The following CYTH1 variants were observed in gnomAD, a reference collection of about 807,000 sequenced individuals.
The protein encoded by CYTH1 is cytohesin 1.
In CYTH1, 18 loss-of-function variants were observed where a neutral mutation model predicts 61.8. The ratio of observed to expected loss-of-function variants is 0.29; its 90% CI spans 0.20 to 0.43. The LOEUF (loss-of-function observed/expected upper bound fraction) is 0.43, where lower values mean the gene tolerates loss of function less well. Among genes scored for constraint, CYTH1 ranks in the 20% least tolerant of loss-of-function variants. The pLI is 1.00. For missense variants in CYTH1, 336 were observed against 510.5 expected, an observed-to-expected ratio of 0.66 and a Z score of 3.29; for synonymous variants, 174 against 184.3, an observed-to-expected ratio of 0.94 and a Z score of 0.45.
chr17:78,707,576 G>A (rs1178229172), intron 3 of CYTH1, among the ~76,000 whole-genome samples: 1 of 152,090 alleles, frequency 6.6e-6, no homozygotes, highest in African/African-American at 2.4e-5. Context: ...AGGAAAAACA[G>A]AAACTTTAAA....
intron 13 of CYTH1, chr17:78,677,746 C>T (rs578169333): frequency 5.9e-5 from 9 of 152,398 alleles, no homozygotes; most frequent in African/African-American, 1.9e-4. Context: ...AACTTGACCT[C>T]GAAAGCCTTT....
chr17:78,722,685 T>C (rs1276665019), intron 1 of CYTH1, among the ~76,000 whole-genome samples: 1 of 152,214 alleles, frequency 6.6e-6, no homozygotes, highest in Non-Finnish European at 1.5e-5. Flanking sequence ...TAGCCCTTTG[T>C]AATGCTCTGA....
chr17:78,701,849 G>T, intron 5 of CYTH1, 98 bp from the exon 6 acceptor site: 1 of 1,242,816 alleles, frequency 8.0e-7, no homozygotes, highest in Non-Finnish European at 1.2e-6. Flanking sequence ...GCGTCCTGTG[G>T]TCCTGTGGCT....
chr17:78,771,218 T>C (rs1047696890), intron 1 of CYTH1, among the ~76,000 whole-genome samples: 4 of 152,124 alleles, frequency 2.6e-5, no homozygotes, highest in African/African-American at 7.2e-5. Context: ...GCTGAGATTA[T>C]GCCATTGCAT....
chr17:78,768,683 A>G (rs1567884302), intron 1 of CYTH1, among the ~76,000 whole-genome samples: 1 of 151,892 alleles, frequency 6.6e-6, no homozygotes, highest in African/African-American at 2.4e-5. Flanking sequence ...TCAAGCCCTC[A>G]TCACCTAGCT....
At chr17:78,706,298 A>T (rs935129749) in intron 3 of CYTH1, among the ~76,000 whole-genome samples, 1 of 66,044 alleles carries the variant, frequency 1.5e-5, no homozygotes, top group East Asian at 4.3e-4. Context: ...ACCCCACCCC[A>T]CCCCGCCCCA....
intron 1 of CYTH1, among the ~76,000 whole-genome samples, chr17:78,772,214 A>G (rs563243318): frequency 1.6e-4 from 24 of 152,306 alleles, no homozygotes; most frequent in East Asian, 1.5e-3. Flanking sequence ...GTGTGGAACA[A>G]TAACAGGAAA....
Position 78,675,896 on chromosome 17 carries a change from G to A in CYTH1, c.*195C>T, listed in dbSNP as rs539946080. 3.9e-5 allele frequency: 58 copies of A among 1,504,792 alleles called. 1 individual carries two copies. In the African/African-American group the frequency reaches 5.4e-4, roughly 14 times the overall value. The allele number at this position is 1,504,792 out of a possible 1,614,324, so 93.2% of individuals were successfully genotyped here. A position where few individuals can be genotyped will look rare whatever the true frequency, so the allele number is the denominator to read the frequency against. ...TGGAGCCCATGCTGGACAGGTGGCC[G>A]GTCCTCTCTTCCCCAGTGATAACTG... On this transcript the variant is annotated 3_prime_UTR_variant, in exon 14 of 14. Transcript: ENST00000446868.
intron 1 of CYTH1, among the ~76,000 whole-genome samples, chr17:78,760,989 C>T (rs905121872): frequency 5.3e-5 from 8 of 152,114 alleles, no homozygotes; most frequent in Admixed American, 2.0e-4. Flanking sequence ...GCATGCACCA[C>T]CACACCCGGC....
Position 78,760,324 on chromosome 17 carries a change from T to C in CYTH1, c.22+21878A>G, listed in dbSNP as rs1159764175. Among the ~76,000 whole-genome samples the C allele has an allele frequency of 2.8e-5, 4 of 141,312 alleles. No homozygotes were observed. In the East Asian group the frequency reaches 8.3e-4, roughly 29 times the overall value. 92.7% of individuals were successfully genotyped at this position (141,312 alleles called of 152,430 possible). ...AATTCCCTCTTTTGACTACTGATGT[T>C]TTAATTCTGGCCTCTATCCAAATAG... is the stretch of plus-strand genomic sequence containing the variant. On this transcript the variant is annotated intron_variant, in intron 1 of 13. Transcript: ENST00000446868.
At chr17:78,737,979 A>T (rs1390853226) in intron 1 of CYTH1, among the ~76,000 whole-genome samples, 2 of 152,032 alleles carry the variant, frequency 1.3e-5, no homozygotes, top group African/African-American at 4.8e-5. Flanking sequence ...CATCTATCAC[A>T]TTTATTATTC....
chr17:78,760,355 T>TTATATATATATATATATATA (rs370393556), intron 1 of CYTH1, among the ~76,000 whole-genome samples: 16 of 52,268 alleles, frequency 3.1e-4, no homozygotes, highest in African/African-American at 5.0e-4. Flanking sequence ...AATAGCAGGT[T>TTATATATATATATATATATA]TATATATATA....
At chr17:78,774,097 A>C (rs1334186064) in intron 1 of CYTH1, among the ~76,000 whole-genome samples, 1 of 152,214 alleles carries the variant, frequency 6.6e-6, no homozygotes, top group Non-Finnish European at 1.5e-5. Flanking sequence ...ATCCTCACTG[A>C]GGGCACATTT....
At chr17:78,726,163 C>A (rs1244791228) in intron 1 of CYTH1, among the ~76,000 whole-genome samples, 1 of 151,630 alleles carries the variant, frequency 6.6e-6, no homozygotes, top group African/African-American at 2.4e-5. Context: ...CCTGCCTCAG[C>A]CACCCTAGCA....
intron 1 of CYTH1, among the ~76,000 whole-genome samples, chr17:78,773,008 A>G (rs1196009877): frequency 2.0e-5 from 3 of 151,534 alleles, no homozygotes; most frequent in Non-Finnish European, 4.4e-5. Context: ...TTTTTTTTGT[A>G]TTTTAGTAGA....
chr17:78,676,226 C>T, intron 13 of CYTH1, 57 bp from the exon 14 acceptor site: 2 of 1,543,180 alleles, frequency 1.3e-6, no homozygotes, highest in African/African-American at 1.4e-5. Context: ...AGAAGAAACA[C>T]ACCCAGGCAG....
intron 1 of CYTH1, among the ~76,000 whole-genome samples, chr17:78,760,420 TATATAC>T (rs2093419401): frequency 7.6e-5 from 6 of 79,462 alleles, no homozygotes; most frequent in South Asian, 4.0e-4. Context: ...TATATATATA[TATATAC>T]ACATACATAT....
intron 1 of CYTH1, among the ~76,000 whole-genome samples, chr17:78,771,396 C>A (rs2093470747): frequency 6.6e-6 from 1 of 152,062 alleles, no homozygotes; most frequent in Admixed American, 6.6e-5. Flanking sequence ...GCCAAGATCA[C>A]GCCACTGCCC....
chr17:78,692,968 G>A (rs1297791851), intron 10 of CYTH1, among the ~76,000 whole-genome samples: 1 of 152,114 alleles, frequency 6.6e-6, no homozygotes, highest in African/African-American at 2.4e-5. Flanking sequence ...GGGAGATGCT[G>A]GGAGCCTTCA....
Sources: gnomAD v4.1 joint callset for allele counts (sites outside exome capture counted in the v4.1 genomes callset) on GRCh38, gnomAD v4.1.1 for gene constraint, MANE v1.5 for transcripts, NCBI Gene and HGNC (gene_info 2026-07-23, HGNC 2026-07-21) for gene names.